EFTUD2: variants seen among roughly 807,000 people sequenced by gnomAD.
EFTUD2 encodes elongation factor Tu GTP binding domain containing 2.
In EFTUD2, 9 loss-of-function variants were observed where a neutral mutation model predicts 114.3. That is an observed-to-expected ratio of 0.08 (90% confidence interval 0.05 to 0.14). The LOEUF is 0.14. Among genes scored for constraint, EFTUD2 ranks in the 10% least tolerant of loss-of-function variants. EFTUD2 has a pLI of 1.00. For synonymous variants in EFTUD2, 449 were observed against 462.3 expected, an observed-to-expected ratio of 0.97 and a Z score of 0.37; for missense variants, 765 against 1,241.2, an observed-to-expected ratio of 0.62 and a Z score of 5.76.
chr17:44,863,440 A>C, intron 15 of EFTUD2: 1 of 535,596 alleles, frequency 1.9e-6, no homozygotes, highest in South Asian at 2.5e-5. Flanking sequence ...CGTGTTATAG[A>C]CCAAGGCCTT....
chr17:44,892,964 T>C (rs2051309466), intron 2 of EFTUD2, among the ~76,000 whole-genome samples: 1 of 152,022 alleles, frequency 6.6e-6, no homozygotes, highest in African/African-American at 2.4e-5. Flanking sequence ...AAAATGCTGG[T>C]TTATAAGACA....
rs577525489 is a variant in EFTUD2 at position 44,859,428 on chromosome 17, T to G, written c.1861-247A>C. 3 of 565,348 alleles carry G rather than the reference T, an allele frequency of 5.3e-6. No individual in the cohort carries two copies. In the African/African-American group the frequency reaches 5.6e-5, roughly 11 times the overall value. 35.0% of individuals were successfully genotyped at this position (565,348 alleles called of 1,614,324 possible). On this transcript the variant is annotated intron_variant, in intron 18 of 27. Coordinates refer to ENST00000426333, the MANE Select transcript of EFTUD2 (RefSeq NM_004247.4). ...AATGATTTAATTCCCATCTTAATGA[T>G]TTAGGTCAAACTCTACCCTATACCC...
intron 14 of EFTUD2, among the ~76,000 whole-genome samples, chr17:44,864,634 CG>C (rs1251291075): frequency 6.6e-6 from 1 of 152,182 alleles, no homozygotes; most frequent in East Asian, 1.9e-4. Context: ...TCCACCTTCC[CG>C]GCTGCCCCCT....
At chr17:44,852,691 A>C in intron 25 of EFTUD2, 129 bp from the exon 26 acceptor site, 1 of 1,184,298 alleles carries the variant, frequency 8.4e-7, no homozygotes, top group Non-Finnish European at 1.2e-6. Flanking sequence ...GTAACCAAGA[A>C]TGTTCTACAA....
intron 1 of EFTUD2, among the ~76,000 whole-genome samples, chr17:44,896,992 G>A (rs2145588940): frequency 6.6e-6 from 1 of 152,194 alleles, no homozygotes; most frequent in East Asian, 1.9e-4. Flanking sequence ...TGAGGTGGGT[G>A]GATCACGAGG....
intron 7 of EFTUD2, among the ~76,000 whole-genome samples, chr17:44,881,162 T>A (rs1014604410): frequency 1.3e-5 from 2 of 152,112 alleles, no homozygotes; most frequent in Admixed American, 1.3e-4. Flanking sequence ...TTATTATACT[T>A]AAAACTTCCA....
At chr17:44,869,722 C>G (rs1453424789) in intron 11 of EFTUD2, among the ~76,000 whole-genome samples, 1 of 152,178 alleles carries the variant, frequency 6.6e-6, no homozygotes, top group Non-Finnish European at 1.5e-5. Flanking sequence ...GCTTTCTACT[C>G]TTTATTTGCC....
At chr17:44,888,549 A>G (rs2051217648) in intron 2 of EFTUD2, among the ~76,000 whole-genome samples, 1 of 152,194 alleles carries the variant, frequency 6.6e-6, no homozygotes, top group Non-Finnish European at 1.5e-5. Context: ...TGATTCAGGA[A>G]AGAAATAACA....
rs537654920 is a variant in EFTUD2, at chr17:44,878,182, T to G, written c.702+1374A>C. Among the ~76,000 whole-genome samples the G allele has an allele frequency of 3.6e-4, 55 of 152,258 alleles. 1 individual carries two copies. The highest frequency in any genetic ancestry group is 1.2e-3 in the African/African-American group (49 of 41,548). ...GAATAAGAAGAGTTAGAAGACTCAC[T>G]ATTTGCAACTATTGTAGGAACAAGC... On this transcript the variant is annotated intron_variant, in intron 9 of 27. Coordinates refer to ENST00000426333, the MANE Select transcript of EFTUD2 (RefSeq NM_004247.4).
intron 3 of EFTUD2, 145 bp from the exon 4 acceptor site, chr17:44,885,479 A>C (rs1440784459): frequency 1.5e-6 from 1 of 648,096 alleles, no homozygotes; most frequent in Admixed American, 2.7e-5. Flanking sequence ...TATGTTGAGA[A>C]AGTTTTGGAA....
rs751581734 is a variant in EFTUD2, at chr17:44,851,723, G to T, written c.2810C>A (p.Thr937Asn). The change falls in exon 27 of 28, where the codon ACC becomes AAC. Residue 937 changes from threonine to asparagine, a missense_variant. Thr to Asn is a moderately conservative substitution (Grantham distance 65). This residue lies in a region of EFTUD2 where 166 missense variants were observed against 401.5 expected (regional missense o/e 0.41). Coordinates refer to ENST00000426333, the MANE Select transcript of EFTUD2 (RefSeq NM_004247.4). ...AGGGAGACATACCTTCCTACGGCGG[G>T]TTTTGATCATGAATTCCCGGGCCAG... ...PHLAREFMIK[T>N]RRRKGLSEDV... The T allele has an allele frequency of 1.9e-6, 3 of 1,577,392 alleles. No individual in the cohort carries two copies.
chr17:44,885,048 G>A (rs180744074), intron 4 of EFTUD2, among the ~76,000 whole-genome samples: 4 of 152,326 alleles, frequency 2.6e-5, no homozygotes, highest in Admixed American at 6.5e-5. Context: ...AGATCTGGAA[G>A]AGGAAACAGC....
Position 44,868,338 on chromosome 17 carries a change from T to C in EFTUD2, c.1007A>G (p.Tyr336Cys). The change falls in exon 12 of 28, where the codon TAC (tyrosine) becomes TGC (cysteine). Residue 336 changes from tyrosine (Y) to cysteine (C), a missense_variant. Physicochemically the swap from Tyr to Cys is radical, Grantham distance 194. Coordinates refer to ENST00000426333, the MANE Select transcript of EFTUD2 (RefSeq NM_004247.4). ...IYADTFGDIN[Y>C]QEFAKRLWGD... ...CCAGAGTCTTTTAGCAAATTCTTGG[T>C]AATTAATGTCACCTATGGGAGAAGC... is the stretch of plus-strand genomic sequence containing the variant. 1 of 1,614,090 alleles carries C rather than the reference T, an allele frequency of 6.2e-7. No homozygotes were observed. Among genetic ancestry groups the C allele is most frequent in the Non-Finnish European group, 8.5e-7 (1 of 1,179,970 alleles).
At chr17:44,888,519 T>G (rs1248659943) in intron 2 of EFTUD2, among the ~76,000 whole-genome samples, 1 of 152,090 alleles carries the variant, frequency 6.6e-6, no homozygotes, top group African/African-American at 2.4e-5. Context: ...GCAAGAAGAT[T>G]AGTTAGGGGG....
intron 23 of EFTUD2, 57 bp from the exon 24 acceptor site, chr17:44,853,692 A>G: frequency 6.3e-7 from 1 of 1,598,926 alleles, no homozygotes; most frequent in Non-Finnish European, 8.6e-7. Flanking sequence ...TCATGGGGCC[A>G]TGGCAGAGTA....
In EFTUD2 at chr17:44,850,490, TTTCACTG is replaced by T; in HGVS notation, c.*777_*783del. 1.1e-6 allele frequency: 1 copy of T among 890,258 alleles called. No individual in the cohort carries two copies. Among genetic ancestry groups the T allele is most frequent in the Non-Finnish European group, 1.8e-6 (1 of 548,360 alleles). 55.1% of individuals were successfully genotyped at this position (890,258 alleles called of 1,614,324 possible). On this transcript the variant is annotated 3_prime_UTR_variant, in exon 28 of 28. Transcript: ENST00000426333. ...TTTTGAGGAAAATCAACAGACTCTT[TTTCACTG>T]GGGGAGAACAGAGTAAGGGACTGGT...
At chr17:44,853,802 G>C (rs1415564620) in intron 23 of EFTUD2, 167 bp from the exon 24 acceptor site, 1 of 1,448,454 alleles carries the variant, frequency 6.9e-7, no homozygotes, top group East Asian at 2.5e-5. Flanking sequence ...CAAGGCCCAT[G>C]GCAGAGGTCA....
chr17:44,862,643 C>T (rs2050678495), intron 16 of EFTUD2, 70 bp downstream of exon 16: 8 of 1,449,596 alleles, frequency 5.5e-6, no homozygotes, highest in Non-Finnish European at 7.5e-6. Flanking sequence ...AGGATCACTC[C>T]TTCCAGCTCC....
chr17:44,870,923 C>T (rs1362024106), intron 11 of EFTUD2, among the ~76,000 whole-genome samples: 1 of 151,934 alleles, frequency 6.6e-6, no homozygotes, highest in Non-Finnish European at 1.5e-5. Context: ...GAGGCTGAGG[C>T]AGGAGAATCA....
Sources: gnomAD v4.1 joint callset for allele counts (sites outside exome capture counted in the v4.1 genomes callset) on GRCh38, gnomAD v4.1.1 for gene constraint, gnomAD v4.1.1 regional missense constraint, MANE v1.5 for transcripts, NCBI Gene and HGNC (gene_info 2026-07-23, HGNC 2026-07-21) for gene names.